SP2: variants seen among roughly 807,000 people sequenced by gnomAD.
SP2 encodes the protein Sp2 transcription factor.
In SP2, 9 loss-of-function variants were observed where a neutral mutation model predicts 50.1. The observed-to-expected ratio is 0.18, with a 90% CI of 0.11 to 0.31. The LOEUF (loss-of-function observed/expected upper bound fraction) is 0.31, where lower values mean the gene tolerates loss of function less well. Among genes scored for constraint, SP2 ranks in the 10% least tolerant of loss-of-function variants. SP2 has a pLI of 1.00. For synonymous variants in SP2, 313 were observed against 326.6 expected (o/e 0.96, Z 0.45); for missense variants, 581 against 806.5 (o/e 0.72, Z 3.39).
In SP2 at chr17:47,928,129, G is replaced by A. The variant is rs987160472; in HGVS notation, c.*305G>A. 2.2e-4 allele frequency: 64 copies of A among 289,550 alleles called. No individual in the cohort carries two copies. Among genetic ancestry groups the A allele is most frequent in the Non-Finnish European group, 6.6e-6 (1 of 150,380 alleles). 17.9% of individuals were successfully genotyped at this position (289,550 alleles called of 1,614,324 possible). ...ACCCTTATTTCCAAAGGAAAAACATGCATTTCACTCCGTCGAGGAGCAAAG... is the reference window on the plus strand; with the variant it reads ...ACCCTTATTTCCAAAGGAAAAACATACATTTCACTCCGTCGAGGAGCAAAG... On this transcript the variant is annotated 3_prime_UTR_variant, in exon 7 of 7. Transcript: ENST00000376741.
At chr17:47,903,027 A>AT (rs1213473855) in intron 1 of SP2, among the ~76,000 whole-genome samples, 1 of 152,190 alleles carries the variant, frequency 6.6e-6, no homozygotes, top group Admixed American at 6.5e-5. Flanking sequence ...AAGTGCTGGG[A>AT]TTACAGGCGT....
chr17:47,923,269 C>T lies in SP2; in HGVS notation c.1367C>T (p.Thr456Ile), dbSNP rs771569542. The T allele has an allele frequency of 1.9e-6, 3 of 1,600,294 alleles. No individual in the cohort carries two copies. The highest frequency in any genetic ancestry group is 2.2e-5 in the East Asian group (1 of 44,820). Reference protein sequence around the residue: ...VQGVPVTITNTGGQQQLTVQN... With the variant: ...VQGVPVTITNIGGQQQLTVQN... Reference sequence around the variant, plus strand: ...GGCGTGCCTGTCACCATCACCAACACAGGCGGTGAGGATGGCCCCTGTGGC... The same window carrying T: ...GGCGTGCCTGTCACCATCACCAACATAGGCGGTGAGGATGGCCCCTGTGGC... The change falls in exon 4 of 7, where the codon ACA becomes ATA. Residue 456 changes from threonine (T) to isoleucine (I), a missense_variant. Coordinates refer to ENST00000376741, the MANE Select transcript of SP2 (RefSeq NM_003110.6).
At chr17:47,906,147 G>A (rs1298157015) in intron 1 of SP2, among the ~76,000 whole-genome samples, 1 of 152,234 alleles carries the variant, frequency 6.6e-6, no homozygotes, top group Non-Finnish European at 1.5e-5. Flanking sequence ...CCAGAGGCCA[G>A]GAAGCAGTTT....
Position 47,925,330 on chromosome 17 carries a change from C to T in SP2, c.1548-18C>T, listed in dbSNP as rs1475493911. 2 of 1,605,392 alleles carry T rather than the reference C, an allele frequency of 1.2e-6. No homozygotes were observed. The highest frequency in any genetic ancestry group is 1.7e-6 in the Non-Finnish European group (2 of 1,174,494). ...CCTCTTCCTATTCCCTCCACTCCAC[C>T]CTCACCCCAATTCTCAGGTCTGGAG... On this transcript the variant is annotated intron_variant, in intron 5 of 6. Coordinates refer to ENST00000376741, the MANE Select transcript of SP2 (RefSeq NM_003110.6).
rs529543761 is a variant in SP2, at chr17:47,924,127, T to A, written c.1373-792T>A. Among the ~76,000 whole-genome samples the A allele has an allele frequency of 2.0e-5, 3 of 151,768 alleles. No individual in the cohort carries two copies. In the East Asian group the frequency reaches 5.8e-4, roughly 29 times the overall value. ...CCATAGAACTGTGTCCTCTTTTGTG[T>A]TTTTTGGTTTTTTTTTTTTTAAGAC... On this transcript the variant is annotated intron_variant, in intron 4 of 6. Transcript: ENST00000376741.
At position 47,928,228 on chromosome 17, in the gene SP2, G is replaced by T; in HGVS notation, c.*404G>T. ...CGCGTCATGCCATGCCCCCTCTCCT[G>T]CACCTCCCTGGCCCTGCCGGCCACT... On this transcript the variant is annotated 3_prime_UTR_variant, in exon 7 of 7. Coordinates refer to ENST00000376741, the MANE Select transcript of SP2 (RefSeq NM_003110.6). 1 of 165,888 alleles carries T rather than the reference G, an allele frequency of 6.0e-6. No individual in the cohort carries two copies. The allele number at this position is 165,888 out of a possible 1,614,324, so 10.3% of individuals were successfully genotyped here. A position where few individuals can be genotyped will look rare whatever the true frequency, so the allele number is the denominator to read the frequency against.
chr17:47,916,334 C>T lies in SP2; in HGVS notation c.263C>T (p.Ser88Phe), dbSNP rs1286958300. The T allele has an allele frequency of 6.2e-7, 1 of 1,614,138 alleles. No homozygotes were observed. The highest frequency in any genetic ancestry group is 1.1e-5 in the South Asian group (1 of 91,080). The change falls in exon 3 of 7, where the codon TCC (serine) becomes TTC (phenylalanine). Residue 88 changes from serine (S) to phenylalanine (F), a missense_variant. Physicochemically the swap from Ser to Phe is radical, Grantham distance 155 (BLOSUM62 -2). Coordinates refer to ENST00000376741, the MANE Select transcript of SP2 (RefSeq NM_003110.6). This position sits in a 1 kb window ranked among gnomAD's most constrained non-coding sequence, Gnocchi z 4.7. ...GGCAAGAATAGCTTTGGAATCTTGTCCTCCAAAGGAAATATACTTCAGATT... is the reference window on the plus strand; with the variant it reads ...GGCAAGAATAGCTTTGGAATCTTGTTCTCCAAAGGAAATATACTTCAGATT... The part of the protein sequence containing the change: ...SPGKNSFGIL[S>F]SKGNILQIQG...
chr17:47,912,270 A>T (rs763604005), intron 1 of SP2, among the ~76,000 whole-genome samples: 38 of 152,104 alleles, frequency 2.5e-4, no homozygotes, highest in Non-Finnish European at 3.5e-4. Flanking sequence ...CTGCATATAT[A>T]ATTTTGCCCA....
chr17:47,917,043 G>A lies in SP2; in HGVS notation c.972G>A (p.Val324=). The change falls in exon 3 of 7, where the codon GTG becomes GTA. Residue 324 remains valine (V), a synonymous_variant. Coordinates refer to ENST00000376741, the MANE Select transcript of SP2 (RefSeq NM_003110.6). The part of the protein sequence containing the change: ...VQIPQQALRV[V]QAASATLPTV... ...TCCCCCAGCAGGCTCTGCGGGTGGT[G>A]CAGGCGGCATCTGCCACCCTCCCCA... 6.2e-7 allele frequency: 1 copy of A among 1,614,058 alleles called. No individual in the cohort carries two copies. The highest frequency in any genetic ancestry group is 8.5e-7 in the Non-Finnish European group (1 of 1,180,026).
chr17:47,924,024 T>G (rs2144061946), intron 4 of SP2, among the ~76,000 whole-genome samples: 1 of 152,280 alleles, frequency 6.6e-6, no homozygotes, highest in East Asian at 1.9e-4. Flanking sequence ...GTTTAGCACT[T>G]TAACACATTT....
chr17:47,906,200 G>A (rs1176510456), intron 1 of SP2, among the ~76,000 whole-genome samples: 1 of 152,350 alleles, frequency 6.6e-6, no homozygotes, highest in Middle Eastern at 3.4e-3. Context: ...TGGTGATGAG[G>A]ATGGGGAGCC....
At position 47,916,815 on chromosome 17, in the gene SP2, G is replaced by T. The variant is rs2035225728; in HGVS notation, c.744G>T (p.Arg248Ser). Residue 248 changes from arginine to serine, a missense_variant, in exon 3 of 7, where the codon AGG (arginine) becomes AGT (serine). Coordinates refer to ENST00000376741, the MANE Select transcript of SP2 (RefSeq NM_003110.6). The surrounding 1 kb of genome is among the most constrained non-coding windows in gnomAD (Gnocchi z 4.7). ...TPLSKTNKKA[R>S]KKSLPASQPP... Reference sequence around the variant, plus strand: ...TGTCTAAGACTAACAAGAAAGCAAGGAAGAAGAGCCTTCCTGCCTCCCAGC... The same window carrying T: ...TGTCTAAGACTAACAAGAAAGCAAGTAAGAAGAGCCTTCCTGCCTCCCAGC... 1 of 1,614,036 alleles carries T rather than the reference G, an allele frequency of 6.2e-7. No individual in the cohort carries two copies. The highest frequency in any genetic ancestry group is 1.1e-5 in the South Asian group (1 of 91,082).
intron 1 of SP2, 145 bp from the exon 2 acceptor site, chr17:47,915,167 C>G: frequency 1.6e-6 from 1 of 608,488 alleles, no homozygotes; most frequent in South Asian, 2.0e-5. Context: ...GAGCCTAGAT[C>G]ATGCCACTAC....
Position 47,920,264 on chromosome 17 carries a change from C to T in SP2, c.1060-2698C>T, listed in dbSNP as rs115070808. On this transcript the variant is annotated intron_variant, in intron 3 of 6. Transcript: ENST00000376741. ...CCGAATAGCTGGGATTACAGATACC[C>T]GCCTCTGCGCCCTGCTAATTTTTGA... is the stretch of plus-strand genomic sequence containing the variant. Among the ~76,000 whole-genome samples, 1,446 of 151,670 alleles carry T rather than the reference C, an allele frequency of 9.5e-3. 21 individuals carry two copies. The highest frequency in any genetic ancestry group is 0.033 in the African/African-American group (1,364 of 41,332).
chr17:47,896,380 C>A, intron 1 of SP2, 87 bp downstream of exon 1: 3 of 1,123,456 alleles, frequency 2.7e-6, no homozygotes, highest in Non-Finnish European at 3.4e-6. Flanking sequence ...GGAGCCGAGG[C>A]CGGGGGTTCC....
chr17:47,917,526 A>T (rs1260043698), intron 3 of SP2, among the ~76,000 whole-genome samples: 3 of 152,104 alleles, frequency 2.0e-5, no homozygotes, highest in Non-Finnish European at 4.4e-5. Context: ...AAAAATGCTG[A>T]TCATTATTAA....
chr17:47,897,821 A>T, intron 1 of SP2: 1 of 983,728 alleles, frequency 1.0e-6, no homozygotes, highest in Non-Finnish European at 1.2e-6. Context: ...GAAGGGGGCG[A>T]ATCTATCAGA....
rs1447756216 is a variant in SP2, at chr17:47,925,454, G to A, written c.1654G>A (p.Glu552Lys). The A allele has an allele frequency of 1.9e-6, 3 of 1,614,208 alleles. No homozygotes were observed. The highest frequency in any genetic ancestry group is 2.5e-6 in the Non-Finnish European group (3 of 1,180,042). ...TGCCCATGTGCGCCTGCACACTGGC[G>A]AGCGGCCCTTTGTCTGCAACTGGTT... ...LRAHVRLHTG[E>K]RPFVCNWFFC... is the part of the protein sequence containing the mutation. Residue 552 changes from glutamate (E) to lysine (K), a missense_variant, in exon 6 of 7, where the codon GAG becomes AAG. Physicochemically the swap from Glu to Lys is moderately conservative, Grantham distance 56 (BLOSUM62 1). Transcript: ENST00000376741.
intron 1 of SP2, chr17:47,898,329 G>T (rs1206188323): frequency 6.6e-6 from 1 of 152,238 alleles, no homozygotes; most frequent in African/African-American, 2.4e-5. Flanking sequence ...GGTTCATTTG[G>T]ATATTTTGGC....
Sources: gnomAD v4.1 joint callset for allele counts (sites outside exome capture counted in the v4.1 genomes callset) on GRCh38, gnomAD v4.1.1 for gene constraint, Gnocchi (gnomAD v3.1) non-coding constraint, MANE v1.5 for transcripts, NCBI Gene and HGNC (gene_info 2026-07-23, HGNC 2026-07-21) for gene names.